Variants in SOX6 observed in about 807,000 individuals in gnomAD.
SOX6 encodes the protein transcription factor SOX-6.
Under a neutral mutation model 97.8 loss-of-function variants are expected in SOX6, and 11 were observed. The ratio of observed to expected loss-of-function variants is 0.11; its 90% CI spans 0.07 to 0.19. The LOEUF is 0.19. SOX6 is among the 10% of genes least tolerant of loss of function. SOX6 has a pLI of 1.00. For synonymous variants in SOX6, 360 were observed against 371.4 expected, an observed-to-expected ratio of 0.97 and a Z score of 0.35; for missense variants, 810 against 1,039.5, an observed-to-expected ratio of 0.78 and a Z score of 3.04.
chr11:16,707,336 T>TAA (rs1199674488), intron 3 of SOX6, among the ~76,000 whole-genome samples: 1 of 142,164 alleles, frequency 7.0e-6, no homozygotes, highest in Non-Finnish European at 1.5e-5. Context: ...TGAGGAATGT[T>TAA]AAAAAAAAAA....
intron 2 of SOX6, among the ~76,000 whole-genome samples, chr11:16,726,221 C>T (rs1389982278): frequency 6.6e-6 from 1 of 152,142 alleles, no homozygotes; most frequent in East Asian, 1.9e-4. Context: ...CCAGCCTGGC[C>T]AACATGGTGA....
chr11:16,686,968 A>G (rs1847974009), intron 3 of SOX6, among the ~76,000 whole-genome samples: 1 of 152,090 alleles, frequency 6.6e-6, no homozygotes, highest in African/African-American at 2.4e-5. Context: ...GTCTCACAAA[A>G]AAAAAAATTA....
intron 15 of SOX6, among the ~76,000 whole-genome samples, chr11:15,975,934 A>G (rs1853466774): frequency 6.6e-6 from 1 of 152,240 alleles, no homozygotes; most frequent in Non-Finnish European, 1.5e-5. Flanking sequence ...CTAAAAATAA[A>G]TAAACAAGCA....
At chr11:16,027,023 T>C (rs1453466536) in intron 12 of SOX6, among the ~76,000 whole-genome samples, 1 of 152,176 alleles carries the variant, frequency 6.6e-6, no homozygotes, top group African/African-American at 2.4e-5. Flanking sequence ...AATTACAGTA[T>C]AATTACCATT....
chr11:16,175,274 C>T (rs1477074119), intron 6 of SOX6, among the ~76,000 whole-genome samples: 2 of 151,782 alleles, frequency 1.3e-5, no homozygotes, highest in Non-Finnish European at 2.9e-5. Context: ...CATACAAGAA[C>T]AAAAACAACA....
chr11:16,119,173 C>T (rs551807965), intron 6 of SOX6, among the ~76,000 whole-genome samples: 22 of 152,160 alleles, frequency 1.4e-4, no homozygotes, highest in Non-Finnish European at 1.8e-4. Context: ...GAAATGAAGT[C>T]CCCAGAAAAC....
intron 1 of SOX6, among the ~76,000 whole-genome samples, chr11:16,381,753 T>C (rs1430287728): frequency 6.6e-5 from 10 of 151,862 alleles, no homozygotes; most frequent in Admixed American, 6.6e-4. Flanking sequence ...CCGACTTCCA[T>C]ATCTAAAATT....
chr11:16,377,680 G>T (rs778477520), intron 1 of SOX6, among the ~76,000 whole-genome samples: 4 of 152,126 alleles, frequency 2.6e-5, no homozygotes, highest in Non-Finnish European at 4.4e-5. Context: ...GCCCAAGCAT[G>T]GAGAATAACA....
intron 2 of SOX6, among the ~76,000 whole-genome samples, chr11:16,733,094 T>C (rs950218848): frequency 2.6e-5 from 4 of 152,200 alleles, no homozygotes; most frequent in African/African-American, 9.6e-5. Context: ...CTGGATAGAA[T>C]GTGGAGAAAT....
intron 4 of SOX6, among the ~76,000 whole-genome samples, chr11:16,560,649 G>A (rs1042128321): frequency 1.3e-5 from 2 of 151,206 alleles, no homozygotes; most frequent in African/African-American, 4.9e-5. Context: ...ATGTTTATAC[G>A]AAAATGTATA....
chr11:16,550,743 CTT>C, intron 4 of SOX6, among the ~76,000 whole-genome samples: 1 of 152,210 alleles, frequency 6.6e-6, no homozygotes, highest in East Asian at 1.9e-4. Flanking sequence ...ATCTATGGTT[CTT>C]ACTCTATACA....
intron 6 of SOX6, among the ~76,000 whole-genome samples, chr11:16,161,887 T>C (rs1850759420): frequency 6.6e-6 from 1 of 152,192 alleles, no homozygotes; most frequent in African/African-American, 2.4e-5. Flanking sequence ...GGATATTTTA[T>C]CAGATTCTGG....
intron 6 of SOX6, among the ~76,000 whole-genome samples, chr11:16,116,075 C>G (rs1455329485): frequency 6.6e-6 from 1 of 152,020 alleles, no homozygotes; most frequent in Non-Finnish European, 1.5e-5. Flanking sequence ...TGTAAAAACT[C>G]CAAGTGCCCT....
intron 1 of SOX6, among the ~76,000 whole-genome samples, chr11:16,463,744 A>G (rs574299981): frequency 5.9e-5 from 9 of 152,292 alleles, no homozygotes; most frequent in African/African-American, 2.2e-4. Context: ...CCCTCTAGAT[A>G]TTTCAAATTG....
At chr11:15,974,396 T>TA (rs1293626009) in intron 15 of SOX6, among the ~76,000 whole-genome samples, 1 of 146,554 alleles carries the variant, frequency 6.8e-6, no homozygotes, top group Non-Finnish European at 1.5e-5. Context: ...TTTTTTTTTT[T>TA]TTTTTTATTA....
At chr11:16,301,669 T>C (rs1426230265) in intron 3 of SOX6, among the ~76,000 whole-genome samples, 1 of 152,164 alleles carries the variant, frequency 6.6e-6, no homozygotes, top group Non-Finnish European at 1.5e-5. Flanking sequence ...TCACTTCCCT[T>C]ATTTTATATG....
chr11:16,338,510 T>C (rs2134336505), intron 2 of SOX6, among the ~76,000 whole-genome samples: 1 of 152,106 alleles, frequency 6.6e-6, no homozygotes, highest in African/African-American at 2.4e-5. Flanking sequence ...ATTGAATCTA[T>C]CCAGTGAAAA....
chr11:16,364,000 T>C (rs1857278904), intron 1 of SOX6, among the ~76,000 whole-genome samples: 1 of 152,156 alleles, frequency 6.6e-6, no homozygotes, highest in African/African-American at 2.4e-5. Flanking sequence ...ACTTCCTCGA[T>C]GGTAGGAACT....
intron 12 of SOX6, among the ~76,000 whole-genome samples, chr11:16,033,716 C>G (rs919049433): frequency 1.3e-5 from 2 of 151,906 alleles, no homozygotes; most frequent in Non-Finnish European, 2.9e-5. Context: ...ACTAAAGATA[C>G]AAAAAATTAG....
Sources: gnomAD v4.1 joint callset for allele counts (sites outside exome capture counted in the v4.1 genomes callset) on GRCh38, gnomAD v4.1.1 for gene constraint, MANE v1.5 for transcripts, NCBI Gene and HGNC (gene_info 2026-07-23, HGNC 2026-07-21) for gene names.